NAV3: variants seen among roughly 807,000 people sequenced by gnomAD.
NAV3 encodes the protein neuron navigator 3, also known as pore membrane and/or filament interacting like protein 1.
A neutral mutation model predicts 244.7 loss-of-function variants in NAV3; 87 were observed. The ratio of observed to expected loss-of-function variants is 0.36; its 90% CI spans 0.30 to 0.42. The LOEUF (loss-of-function observed/expected upper bound fraction) is 0.42, where lower values mean the gene tolerates loss of function less well. Among genes scored for constraint, NAV3 ranks in the 20% least tolerant of loss-of-function variants. NAV3 has a pLI of 1.00. For synonymous variants in NAV3, 1,126 were observed against 1,042.2 expected (o/e 1.08, Z -1.55); for missense variants, 2,663 against 2,893.3 (o/e 0.92, Z 1.83).
intron 5 of NAV3, among the ~76,000 whole-genome samples, chr12:77,976,829 C>A (rs781411240): frequency 1.3e-5 from 2 of 151,746 alleles, no homozygotes; most frequent in Non-Finnish European, 2.9e-5. Flanking sequence ...CAGGCACACG[C>A]CACCACATCT....
At position 77,935,851 on chromosome 12, in the gene NAV3, G is replaced by A. The variant is rs115575673; in HGVS notation, c.244-4468G>A. ...GGTGGGAGCCAGAGGAAGAGAGAGA[G>A]CCAAGGGGGATGTGCTACGCACTTT... On this transcript the variant is annotated intron_variant, in intron 1 of 39. Transcript: ENST00000397909. 3.4e-3 allele frequency among the ~76,000 whole-genome samples: 513 copies of A among 152,254 alleles called. 2 individuals are homozygous for A. The highest frequency in any genetic ancestry group is 5.8e-3 in the South Asian group (28 of 4,824).
chr12:77,717,372 T>C (rs2137277862), intron 2 of NAV3, among the ~76,000 whole-genome samples: 1 of 152,226 alleles, frequency 6.6e-6, no homozygotes, highest in East Asian at 1.9e-4. Context: ...AATCATGCAG[T>C]ATTTGTCCTT....
intron 1 of NAV3, among the ~76,000 whole-genome samples, chr12:77,924,709 A>G (rs950882871): frequency 4.6e-5 from 7 of 152,178 alleles, no homozygotes; most frequent in Non-Finnish European, 8.8e-5. Context: ...CTGTGTCTCA[A>G]TGCAATTAAA....
intron 2 of NAV3, among the ~76,000 whole-genome samples, chr12:77,765,712 A>G (rs1869714408): frequency 6.6e-6 from 1 of 152,122 alleles, no homozygotes; most frequent in Non-Finnish European, 1.5e-5. Context: ...GAGAAGGTAA[A>G]AAGTTGAAGA....
At chr12:77,814,149 A>G (rs1330608913) in intron 2 of NAV3, among the ~76,000 whole-genome samples, 1 of 152,100 alleles carries the variant, frequency 6.6e-6, no homozygotes, top group Non-Finnish European at 1.5e-5. Flanking sequence ...CACTGATCGA[A>G]TATTCTGCCA....
intron 22 of NAV3, among the ~76,000 whole-genome samples, chr12:78,149,966 G>T (rs568635570): frequency 6.6e-6 from 1 of 152,132 alleles, no homozygotes; most frequent in South Asian, 2.1e-4. Context: ...AAATTTGGGA[G>T]AATTAATTTT....
At chr12:78,060,670 A>G (rs1211482134) in intron 12 of NAV3, among the ~76,000 whole-genome samples, 1 of 152,188 alleles carries the variant, frequency 6.6e-6, no homozygotes, top group Non-Finnish European at 1.5e-5. Flanking sequence ...AGAGTGGTAA[A>G]TGAGTTCCAG....
intron 12 of NAV3, among the ~76,000 whole-genome samples, chr12:78,101,263 C>A (rs1025487529): frequency 6.6e-6 from 1 of 152,102 alleles, no homozygotes; most frequent in African/African-American, 2.4e-5. Context: ...ACATAAATTA[C>A]AGAATGAAAG....
At chr12:77,867,596 A>G (rs1433245709) in intron 1 of NAV3, among the ~76,000 whole-genome samples, 1 of 151,752 alleles carries the variant, frequency 6.6e-6, no homozygotes, top group Admixed American at 6.6e-5. Flanking sequence ...ATTTTTTTGC[A>G]TTTTTACTAG....
At chr12:77,927,417 T>C (rs1032321417) in intron 1 of NAV3, among the ~76,000 whole-genome samples, 6 of 152,212 alleles carry the variant, frequency 3.9e-5, no homozygotes, top group Non-Finnish European at 8.8e-5. Flanking sequence ...GTATAAATCT[T>C]GAGACAGAAA....
At chr12:77,697,069 C>A (rs1327446396) in intron 2 of NAV3, among the ~76,000 whole-genome samples, 2 of 152,166 alleles carry the variant, frequency 1.3e-5, no homozygotes, top group Non-Finnish European at 2.9e-5. Context: ...CAGTTTCCTT[C>A]TCCCAGAGAA....
chr12:77,845,791 T>A (rs1302780792), intron 1 of NAV3, among the ~76,000 whole-genome samples: 2 of 151,890 alleles, frequency 1.3e-5, no homozygotes, highest in Admixed American at 6.6e-5. Context: ...GTAGCGGGGA[T>A]TACAGGCACA....
At chr12:78,193,881 A>T (rs1287491675) in intron 34 of NAV3, among the ~76,000 whole-genome samples, 1 of 151,932 alleles carries the variant, frequency 6.6e-6, no homozygotes, top group Non-Finnish European at 1.5e-5. Flanking sequence ...TACAAAACTC[A>T]ATTCCTTTGT....
intron 2 of NAV3, among the ~76,000 whole-genome samples, chr12:77,780,467 A>G (rs1029267627): frequency 6.6e-6 from 1 of 152,198 alleles, no homozygotes; most frequent in South Asian, 2.1e-4. Context: ...GACTTATTGC[A>G]ATAAAGGTCA....
chr12:77,578,066 G>C (rs1237327688), intron 2 of NAV3, among the ~76,000 whole-genome samples: 1 of 152,046 alleles, frequency 6.6e-6, no homozygotes, highest in Non-Finnish European at 1.5e-5. Context: ...AAACTAAGCC[G>C]ATTTAAAGAT....
chr12:77,578,134 A>G (rs1229102668), intron 2 of NAV3, among the ~76,000 whole-genome samples: 2 of 152,250 alleles, frequency 1.3e-5, no homozygotes, highest in Non-Finnish European at 2.9e-5. Context: ...AATTTTTTAC[A>G]GTATGACTGC....
At chr12:78,124,959 C>T (rs1281794569) in intron 16 of NAV3, among the ~76,000 whole-genome samples, 3 of 152,044 alleles carry the variant, frequency 2.0e-5, no homozygotes, top group Non-Finnish European at 4.4e-5. Context: ...TTAGTGCCTT[C>T]CAGTAAATTA....
At chr12:77,756,270 G>A (rs2135819589) in intron 2 of NAV3, among the ~76,000 whole-genome samples, 1 of 152,186 alleles carries the variant, frequency 6.6e-6, no homozygotes, top group South Asian at 2.1e-4. Context: ...ATGAAAATTT[G>A]AAAATCATAG....
intron 2 of NAV3, among the ~76,000 whole-genome samples, chr12:77,769,733 C>A (rs966861290): frequency 5.9e-5 from 9 of 152,080 alleles, no homozygotes; most frequent in African/African-American, 2.2e-4. Context: ...TATGGAAAGT[C>A]GGATTTGTCA....
Sources: gnomAD v4.1 joint callset for allele counts (sites outside exome capture counted in the v4.1 genomes callset) on GRCh38, gnomAD v4.1.1 for gene constraint, MANE v1.5 for transcripts, NCBI Gene and HGNC (gene_info 2026-07-23, HGNC 2026-07-21) for gene names.